The following EXOC3L2 variants were observed in gnomAD, a reference collection of about 807,000 sequenced individuals.
The protein encoded by EXOC3L2 is exocyst complex component 3 like 2, also known as exocyst complex component 3-like protein 2.
A neutral mutation model predicts 44.4 loss-of-function variants in EXOC3L2; 17 were observed. That is an observed-to-expected ratio of 0.38 (90% CI 0.26 to 0.57). EXOC3L2 has a LOEUF of 0.57. Ranked by LOEUF, EXOC3L2 falls within the 20% of genes least tolerant of loss-of-function variation. The pLI is 0.65. For missense variants in EXOC3L2, 541 were observed against 588.4 expected (o/e 0.92, Z 0.83); for synonymous variants, 256 against 253.7 (o/e 1.01, Z -0.09).
rs780983581 is a variant in EXOC3L2 at position 45,238,463 on chromosome 19, G to A, written c.523+60C>T. The A allele has an allele frequency of 1.8e-5, 7 of 399,530 alleles. No homozygotes were observed. In the East Asian group the frequency reaches 2.1e-4, roughly 12 times the overall value. The allele number at this position is 399,530 out of a possible 1,614,324, so 24.7% of individuals were successfully genotyped here. A position where few individuals can be genotyped will look rare whatever the true frequency, so the allele number is the denominator to read the frequency against. On this transcript the variant is annotated intron_variant, in intron 2 of 11. Coordinates refer to ENST00000413988, the MANE Select transcript of EXOC3L2 (RefSeq NM_001382422.1). This position sits in a 1 kb window ranked among gnomAD's most constrained non-coding sequence, Gnocchi z 5.5. ...AAGTATGAAGCCTGGGACCACCAGGGCTGGGGATGGACATGGGCACTGGGA... is the reference window on the plus strand; with the variant it reads ...AAGTATGAAGCCTGGGACCACCAGGACTGGGGATGGACATGGGCACTGGGA...
At position 45,218,928 on chromosome 19, in the gene EXOC3L2, T is replaced by C. The variant is rs114505591; in HGVS notation, c.1720-609A>G. Among the ~76,000 whole-genome samples, 1,044 of 152,094 alleles carry C rather than the reference T, an allele frequency of 6.9e-3. 10 individuals are homozygous for C. Among genetic ancestry groups the C allele is most frequent in the African/African-American group, 0.018 (762 of 41,490 alleles). Reference sequence around the variant, plus strand: ...GCCTGGGCAACATTGCGAGACCCCATCTCTACAAAACATTTAAAAGTTAGC... The same window carrying C: ...GCCTGGGCAACATTGCGAGACCCCACCTCTACAAAACATTTAAAAGTTAGC... On this transcript the variant is annotated intron_variant, in intron 8 of 11. Transcript: ENST00000413988.
In EXOC3L2 at chr19:45,217,699, G is replaced by A; in HGVS notation, c.1843-16C>T. 7.2e-7 allele frequency: 1 copy of A among 1,397,900 alleles called. No individual in the cohort carries two copies. The allele number at this position is 1,397,900 out of a possible 1,614,324, so 86.6% of individuals were successfully genotyped here. A position where few individuals can be genotyped will look rare whatever the true frequency, so the allele number is the denominator to read the frequency against. On this transcript the variant is annotated splice_polypyrimidine_tract_variant and intron_variant, in intron 9 of 11. Coordinates refer to ENST00000413988, the MANE Select transcript of EXOC3L2 (RefSeq NM_001382422.1). ...CTACCAGCGCCTGGAGGCGGAGGAG[G>A]GAAACCCGAGGGGTGTGAGCCATGC...
In EXOC3L2 at chr19:45,227,586, AC is replaced by A. The variant is rs2122974282; in HGVS notation, c.1583+75del. The stretch of plus-strand genomic sequence containing the variant: ...CCCCTGAGTCAGTTCTGCAATCCCC[AC>A]CCAGGATCCGGGCATCCCAGGTCAG... On this transcript the variant is annotated intron_variant, in intron 7 of 11. Coordinates refer to ENST00000413988, the MANE Select transcript of EXOC3L2 (RefSeq NM_001382422.1). The A allele has an allele frequency of 4.6e-6, 6 of 1,302,784 alleles. No individual in the cohort carries two copies. In the Admixed American group the frequency reaches 1.2e-4, roughly 26 times the overall value. The allele number at this position is 1,302,784 out of a possible 1,614,324, so 80.7% of individuals were successfully genotyped here. A position where few individuals can be genotyped will look rare whatever the true frequency, so the allele number is the denominator to read the frequency against.
At chr19:45,227,950 A>T in intron 6 of EXOC3L2, 24 bp downstream of exon 6, 1 of 1,610,036 alleles carries the variant, frequency 6.2e-7, no homozygotes, top group Non-Finnish European at 8.5e-7. Flanking sequence ...AGCAGAGCTA[A>T]CCTGTGCTCC....
intron 11 of EXOC3L2, among the ~76,000 whole-genome samples, chr19:45,213,760 C>T (rs969718392): frequency 2.0e-5 from 3 of 150,724 alleles, no homozygotes; most frequent in Non-Finnish European, 1.5e-5. Context: ...GCCTGGCCAA[C>T]ATGGCGAAAC....
At position 45,215,668 on chromosome 19, in the gene EXOC3L2, G is replaced by A. The variant is rs546306858; in HGVS notation, c.2120+405C>T. ...GATGAGGAAACTGAGGCTCCGAGAA[G>A]GTCACCTACAAAGGAAGTGACCTGG... On this transcript the variant is annotated intron_variant, in intron 11 of 11. Transcript: ENST00000413988. Among the ~76,000 whole-genome samples the A allele has an allele frequency of 4.6e-5, 7 of 152,252 alleles. No homozygotes were observed. In the East Asian group the frequency reaches 1.4e-3, roughly 29 times the overall value.
At chr19:45,237,773 G>A (rs2122990635) in intron 2 of EXOC3L2, among the ~76,000 whole-genome samples, 1 of 152,276 alleles carries the variant, frequency 6.6e-6, no homozygotes, top group South Asian at 2.1e-4. Flanking sequence ...TTTGGAAATA[G>A]GGTCTTTACA....
At position 45,238,861 on chromosome 19, in the gene EXOC3L2, G is replaced by A. The variant is rs537409987; in HGVS notation, c.185C>T (p.Ala62Val). Residue 62 changes from alanine to valine, a missense_variant, in exon 2 of 12, where the codon GCG becomes GTG. Ala to Val is a moderately conservative substitution (Grantham distance 64, BLOSUM62 0). Coordinates refer to ENST00000413988, the MANE Select transcript of EXOC3L2 (RefSeq NM_001382422.1). The surrounding 1 kb of genome is among the most constrained non-coding windows in gnomAD (Gnocchi z 5.5). ...CRRRATLEKL[A>V]GLAPFRLGWA... ...GCCCAGCCGGAAGGGGGCCAGGCCC[G>A]CAAGCTTCTCCAGGGTGGCGCGGCG... is the stretch of plus-strand genomic sequence containing the variant. The A allele has an allele frequency of 1.6e-4, 64 of 399,112 alleles. 1 individual carries two copies. In the Middle Eastern group the frequency reaches 1.9e-3, roughly 12 times the overall value. The allele number at this position is 399,112 out of a possible 1,614,324, so 24.7% of individuals were successfully genotyped here.
chr19:45,222,914 AGT>A (rs1268118103), intron 8 of EXOC3L2, among the ~76,000 whole-genome samples: 2 of 152,214 alleles, frequency 1.3e-5, no homozygotes, highest in Non-Finnish European at 2.9e-5. Context: ...CACCTGGCAC[AGT>A]GAGTCCTGAG....
intron 4 of EXOC3L2, 75 bp from the exon 5 acceptor site, chr19:45,228,341 C>A: frequency 7.9e-7 from 1 of 1,273,320 alleles, no homozygotes; most frequent in Non-Finnish European, 1.1e-6. Flanking sequence ...CTTTCTCCCA[C>A]CACAATCCCC....
chr19:45,228,270 C>T lies in EXOC3L2; in HGVS notation c.1270-4G>A, dbSNP rs781381759. 30 of 1,613,802 alleles carry T rather than the reference C, an allele frequency of 1.9e-5. No homozygotes were observed. Among genetic ancestry groups the T allele is most frequent in the Non-Finnish European group, 2.5e-5 (29 of 1,179,972 alleles). On this transcript the variant is annotated splice_polypyrimidine_tract_variant and splice_region_variant and intron_variant, in intron 4 of 11. Transcript: ENST00000413988. Reference sequence around the variant, plus strand: ...GAAGGGCAGCCCGGGTCTGAGCCTACAGTAGGGAGAGGGGAGACAGGCAGG... The same window carrying T: ...GAAGGGCAGCCCGGGTCTGAGCCTATAGTAGGGAGAGGGGAGACAGGCAGG...
chr19:45,237,010 A>G (rs774009447), intron 2 of EXOC3L2, among the ~76,000 whole-genome samples: 18 of 126,526 alleles, frequency 1.4e-4, no homozygotes, highest in Non-Finnish European at 2.7e-4. Flanking sequence ...GTCTCAAAGG[A>G]AAAAAAAAAA....
chr19:45,229,238 TATTA>T (rs1284618644), intron 4 of EXOC3L2, among the ~76,000 whole-genome samples: 28 of 121,564 alleles, frequency 2.3e-4, no homozygotes, highest in African/African-American at 4.5e-4. Flanking sequence ...TATATTTATG[TATTA>T]AATATATACA....
chr19:45,238,242 G>A lies in EXOC3L2; in HGVS notation c.523+281C>T, dbSNP rs1243672984. On this transcript the variant is annotated intron_variant, in intron 2 of 11. Transcript: ENST00000413988. The surrounding 1 kb of genome is among the most constrained non-coding windows in gnomAD (Gnocchi z 5.5). Reference sequence around the variant, plus strand: ...TATTCCCTTGGCTTTAGACATGGGAGTAGGGCTGAAGACGGCAGGTGGAGG... The same window carrying A: ...TATTCCCTTGGCTTTAGACATGGGAATAGGGCTGAAGACGGCAGGTGGAGG... Among the ~76,000 whole-genome samples the A allele has an allele frequency of 6.6e-6, 1 of 152,184 alleles. No individual in the cohort carries two copies. Among genetic ancestry groups the A allele is most frequent in the Non-Finnish European group, 1.5e-5 (1 of 68,026 alleles).
intron 2 of EXOC3L2, among the ~76,000 whole-genome samples, chr19:45,237,537 T>A (rs1373248670): frequency 6.6e-6 from 1 of 152,044 alleles, no homozygotes; most frequent in Non-Finnish European, 1.5e-5. Flanking sequence ...GAGGAAAGGA[T>A]GAGCTGTACG....
chr19:45,242,511 G>C (rs994357421), intron 1 of EXOC3L2, among the ~76,000 whole-genome samples: 1 of 152,030 alleles, frequency 6.6e-6, no homozygotes, highest in Non-Finnish European at 1.5e-5. Context: ...TCCCTCCTCG[G>C]CCTCCCAAAG....
At chr19:45,235,116 C>T (rs1046447187) in intron 2 of EXOC3L2, among the ~76,000 whole-genome samples, 1 of 152,090 alleles carries the variant, frequency 6.6e-6, no homozygotes, top group Non-Finnish European at 1.5e-5. Flanking sequence ...GCCTGGCCAA[C>T]ATGGCAAAAC....
rs1969833088 is a variant in EXOC3L2 at position 45,216,203 on chromosome 19, G to A, written c.1999-9C>T. 1 of 1,613,302 alleles carries A rather than the reference G, an allele frequency of 6.2e-7. No homozygotes were observed. Among genetic ancestry groups the A allele is most frequent in the South Asian group, 1.1e-5 (1 of 91,054 alleles). On this transcript the variant is annotated splice_polypyrimidine_tract_variant and intron_variant, in intron 10 of 11. Coordinates refer to ENST00000413988, the MANE Select transcript of EXOC3L2 (RefSeq NM_001382422.1). ...CACGAGGCCTGGGACTCCTGCAGGG[G>A]AGGGAGGGTGCGGGGTCACACCCTC...
In EXOC3L2 at chr19:45,228,083, T is replaced by A; in HGVS notation, c.1372-9A>T. 4 of 1,613,974 alleles carry A rather than the reference T, an allele frequency of 2.5e-6. No homozygotes were observed. The highest frequency in any genetic ancestry group is 3.4e-6 in the Non-Finnish European group (4 of 1,180,002). On this transcript the variant is annotated splice_polypyrimidine_tract_variant and intron_variant, in intron 5 of 11. Coordinates refer to ENST00000413988, the MANE Select transcript of EXOC3L2 (RefSeq NM_001382422.1). The stretch of plus-strand genomic sequence containing the variant: ...GTGTGCTCTTCCAGCAGCTGTGAGG[T>A]CCAGGGCGACAAGAAGAGGTGAGGA...
Sources: gnomAD v4.1 joint callset for allele counts (sites outside exome capture counted in the v4.1 genomes callset) on GRCh38, gnomAD v4.1.1 for gene constraint, Gnocchi (gnomAD v3.1) non-coding constraint, MANE v1.5 for transcripts, NCBI Gene and HGNC (gene_info 2026-07-23, HGNC 2026-07-21) for gene names.